The following CWF19L2 variants were observed in gnomAD, a reference collection of about 807,000 sequenced individuals.
The protein encoded by CWF19L2 is CWF19 like cell cycle control factor 2.
A neutral mutation model predicts 111.7 loss-of-function variants in CWF19L2; 98 were observed. The ratio of observed to expected loss-of-function variants is 0.88; its 90% CI spans 0.75 to 1.04. The LOEUF is 1.04. Ranked by LOEUF, CWF19L2 falls within the 50% of genes least tolerant of loss-of-function variation. The probability of loss-of-function intolerance (pLI) is 0.00; values close to 1 mark genes in which losing one functional copy is unlikely to be tolerated. For synonymous variants in CWF19L2, 351 were observed against 342.9 expected (o/e 1.02, Z -0.26); for missense variants, 1,101 against 1,051.4 (o/e 1.05, Z -0.65).
rs1168738295 is a variant in CWF19L2 at position 107,454,473 on chromosome 11, TG to T, written c.315del (p.Asn105LysfsTer32). 1 of 1,457,518 alleles carries T rather than the reference TG, an allele frequency of 6.9e-7. No homozygotes were observed. The highest frequency in any genetic ancestry group is 9.0e-7 in the Non-Finnish European group (1 of 1,109,268). The allele number at this position is 1,457,518 out of a possible 1,614,324, so 90.3% of individuals were successfully genotyped here. On this transcript the variant is annotated frameshift_variant, in exon 3 of 18. Coordinates refer to ENST00000282251, the MANE Select transcript of CWF19L2 (RefSeq NM_152434.3). LOFTEE classifies it high-confidence loss of function. Reference protein sequence around the residue: ...KKSKKQKYEKNNESSDSSSSS... With the variant: ...KKSKKQKYEKXNESSDSSSSS... ...ACTGATGAGCTATCAGATGACTCATTGTTTTTTTCATATTTCTGTTTCTTGC... is the reference window on the plus strand; with the variant it reads ...ACTGATGAGCTATCAGATGACTCATTTTTTTTTCATATTTCTGTTTCTTGC...
chr11:107,408,027 T>A (rs899737823), intron 10 of CWF19L2, among the ~76,000 whole-genome samples: 1 of 151,964 alleles, frequency 6.6e-6, no homozygotes, highest in Non-Finnish European at 1.5e-5. Flanking sequence ...ATAAATAGAA[T>A]AGCTTTTCCT....
chr11:107,396,890 A>AC (rs1242871318), intron 10 of CWF19L2, among the ~76,000 whole-genome samples: 19 of 151,734 alleles, frequency 1.3e-4, no homozygotes, highest in Non-Finnish European at 2.2e-4. Flanking sequence ...TCCCGAACAT[A>AC]CCCCCCAACT....
intron 6 of CWF19L2, among the ~76,000 whole-genome samples, chr11:107,435,463 A>C (rs1861528248): frequency 6.6e-6 from 1 of 152,160 alleles, no homozygotes; most frequent in South Asian, 2.1e-4. Context: ...ACATAGTAAA[A>C]ATTTCCTGAA....
Position 107,441,576 on chromosome 11 carries a change from G to A in CWF19L2, c.497C>T (p.Ser166Leu). 1 of 1,548,678 alleles carries A rather than the reference G, an allele frequency of 6.5e-7. No individual in the cohort carries two copies. Among genetic ancestry groups the A allele is most frequent in the South Asian group, 1.2e-5 (1 of 82,556 alleles). The part of the protein sequence containing the change: ...TVDFMSVKTV[S>L]SSSLKAEKET... ...CTTTTCAGCTTTGAGTGATGATGAT[G>A]ACACAGTTTTAACAGACATAAAATC... is the stretch of plus-strand genomic sequence containing the variant. Residue 166 changes from serine to leucine, a missense_variant, in exon 5 of 18, where the codon TCA (serine) becomes TTA (leucine). By Grantham distance (145) the Ser-to-Leu change is moderately radical. Coordinates refer to ENST00000282251, the MANE Select transcript of CWF19L2 (RefSeq NM_152434.3).
Position 107,457,784 on chromosome 11 carries a change from T to G in CWF19L2, c.33A>C (p.Arg11Ser). 1 of 1,551,774 alleles carries G rather than the reference T, an allele frequency of 6.4e-7. No homozygotes were observed. Among genetic ancestry groups the G allele is most frequent in the Non-Finnish European group, 8.7e-7 (1 of 1,146,992 alleles). Residue 11 changes from arginine to serine, a missense_variant, in exon 1 of 18, where the codon AGA becomes AGC. Physicochemically the swap from Arg to Ser is moderately radical, Grantham distance 110. Coordinates refer to ENST00000282251, the MANE Select transcript of CWF19L2 (RefSeq NM_152434.3). MATSMAAASG[R>S]FESAKSIEER... is the part of the protein sequence containing the mutation. ...CTTCGATACTCTTCGCACTTTCAAA[T>G]CTACCACTAGCAGCCGCCATACTTG...
chr11:107,345,627 T>TAC, intron 14 of CWF19L2: 1 of 292,078 alleles, frequency 3.4e-6, no homozygotes, highest in South Asian at 3.4e-5. Context: ...CCAAGGAGGA[T>TAC]ACACACACAT....
intron 14 of CWF19L2, chr11:107,345,330 C>A: frequency 3.1e-6 from 1 of 319,354 alleles, no homozygotes; most frequent in Non-Finnish European, 6.1e-6. Context: ...GTATTTGTAA[C>A]CCAAACTTTT....
Position 107,378,051 on chromosome 11 carries a change from T to G in CWF19L2, c.1872+12023A>C, listed in dbSNP as rs1251614131. On this transcript the variant is annotated intron_variant, in intron 12 of 17. Coordinates refer to ENST00000282251, the MANE Select transcript of CWF19L2 (RefSeq NM_152434.3). The stretch of plus-strand genomic sequence containing the variant: ...TCACTGGCCATCAGAGAAATGCAAA[T>G]CAAAACCACAATGAGATACCATCTC... Among the ~76,000 whole-genome samples, 3 of 151,346 alleles carry G rather than the reference T, an allele frequency of 2.0e-5. No individual in the cohort carries two copies. The East Asian group carries it at 5.8e-4, about 29-fold the overall frequency.
intron 3 of CWF19L2, among the ~76,000 whole-genome samples, chr11:107,450,179 G>A (rs1861758624): frequency 6.6e-6 from 1 of 151,794 alleles, no homozygotes; most frequent in Non-Finnish European, 1.5e-5. Flanking sequence ...CCAGGTGGGA[G>A]GATTGCTTAA....
chr11:107,345,872 T>G (rs1439720679), intron 14 of CWF19L2, among the ~76,000 whole-genome samples: 2 of 152,202 alleles, frequency 1.3e-5, no homozygotes, highest in East Asian at 3.8e-4. Flanking sequence ...AAATCAAAAC[T>G]GTTTTATATT....
chr11:107,417,624 ATAAAG>A lies in CWF19L2; in HGVS notation c.1527+565_1527+569del, dbSNP rs1219907513. On this transcript the variant is annotated intron_variant, in intron 9 of 17. Coordinates refer to ENST00000282251, the MANE Select transcript of CWF19L2 (RefSeq NM_152434.3). ...TGCTCAATGAGTTACAAATGCAGGA[ATAAAG>A]TAAATAGCCAAGTAAAAAAGAAATT... Among the ~76,000 whole-genome samples, 3 of 152,348 alleles carry A rather than the reference ATAAAG, an allele frequency of 2.0e-5. No individual in the cohort carries two copies. The East Asian group carries it at 5.8e-4, about 29-fold the overall frequency.
At chr11:107,359,569 C>G (rs1860292180) in intron 12 of CWF19L2, among the ~76,000 whole-genome samples, 1 of 152,058 alleles carries the variant, frequency 6.6e-6, no homozygotes, top group African/African-American at 2.4e-5. Flanking sequence ...TTTTTGCTTC[C>G]CATTCCTGTG....
intron 12 of CWF19L2, among the ~76,000 whole-genome samples, chr11:107,387,241 C>T (rs535143121): frequency 2.6e-5 from 4 of 152,156 alleles, no homozygotes; most frequent in African/African-American, 9.6e-5. Flanking sequence ...TTTCAATATA[C>T]AGCACCAGCA....
chr11:107,355,380 A>G (rs1200216405), intron 12 of CWF19L2, among the ~76,000 whole-genome samples: 3 of 151,030 alleles, frequency 2.0e-5, no homozygotes, highest in Non-Finnish European at 4.4e-5. Flanking sequence ...GCGCCACTGC[A>G]CTCTAGACTG....
chr11:107,384,391 G>A (rs1347583985), intron 12 of CWF19L2, among the ~76,000 whole-genome samples: 1 of 152,118 alleles, frequency 6.6e-6, no homozygotes, highest in Non-Finnish European at 1.5e-5. Context: ...ATAGCCTGAA[G>A]GTAATTTTAT....
rs139369911 is a variant in CWF19L2 at position 107,342,458 on chromosome 11, G to T, written c.2203-5745C>A. On this transcript the variant is annotated intron_variant, in intron 14 of 17. Coordinates refer to ENST00000282251, the MANE Select transcript of CWF19L2 (RefSeq NM_152434.3). Reference sequence around the variant, plus strand: ...GTATTATTTAATTTCCAAGTATTTGGGAATTTTTTGATTATCTTTCTGTTA... The same window carrying T: ...GTATTATTTAATTTCCAAGTATTTGTGAATTTTTTGATTATCTTTCTGTTA... Among the ~76,000 whole-genome samples the T allele has an allele frequency of 4.9e-3, 739 of 151,786 alleles. 5 individuals carry two copies. Among genetic ancestry groups the T allele is most frequent in the Middle Eastern group, 0.024 (7 of 294 alleles).
At chr11:107,444,347 G>A (rs988649083) in intron 3 of CWF19L2, among the ~76,000 whole-genome samples, 2 of 152,032 alleles carry the variant, frequency 1.3e-5, no homozygotes, top group South Asian at 2.1e-4. Flanking sequence ...TCAACAAAAC[G>A]TTTCAGTCTT....
rs537059449 is a variant in CWF19L2, at chr11:107,339,574, C to A, written c.2203-2861G>T. Among the ~76,000 whole-genome samples, 33 of 151,898 alleles carry A rather than the reference C, an allele frequency of 2.2e-4. No individual in the cohort carries two copies. The South Asian group carries it at 6.7e-3, about 31-fold the overall frequency. ...ATTTTAATTTGCATTTTCCTAAGGGCCAATGATATTAAATATCATTTTTAT... is the reference window on the plus strand; with the variant it reads ...ATTTTAATTTGCATTTTCCTAAGGGACAATGATATTAAATATCATTTTTAT... On this transcript the variant is annotated intron_variant, in intron 14 of 17. Transcript: ENST00000282251.
At chr11:107,435,946 G>C (rs1489594555) in intron 6 of CWF19L2, among the ~76,000 whole-genome samples, 1 of 152,084 alleles carries the variant, frequency 6.6e-6, no homozygotes, top group African/African-American at 2.4e-5. Flanking sequence ...AGGAGGTCAA[G>C]AGATCAAGAC....
Sources: gnomAD v4.1 joint callset for allele counts (sites outside exome capture counted in the v4.1 genomes callset) on GRCh38, gnomAD v4.1.1 for gene constraint, MANE v1.5 for transcripts, NCBI Gene and HGNC (gene_info 2026-07-23, HGNC 2026-07-21) for gene names.